MICAL2: variants seen among roughly 807,000 people sequenced by gnomAD.
MICAL2 encodes the protein [F-actin]-monooxygenase MICAL2.
In MICAL2, 77 loss-of-function variants were observed where a neutral mutation model predicts 127.3. The observed-to-expected ratio is 0.60, with a 90% confidence interval of 0.50 to 0.73. MICAL2 has a LOEUF of 0.73. Among genes scored for constraint, MICAL2 ranks in the 30% least tolerant of loss-of-function variants. MICAL2 has a pLI of 0.00. For synonymous variants in MICAL2, 570 were observed against 551.1 expected, an observed-to-expected ratio of 1.03 and a Z score of -0.48; for missense variants, 1,351 against 1,434.4, an observed-to-expected ratio of 0.94 and a Z score of 0.94.
chr11:12,294,244 G>A (rs1863944307), downstream of MICAL2: 1 of 1,614,026 alleles, frequency 6.2e-7, no homozygotes, highest in African/African-American at 1.3e-5. Context: ...CCCCACTGCG[G>A]CTCATAGCCA....
chr11:12,147,259 G>T (rs370883913), intron 2 of MICAL2, among the ~76,000 whole-genome samples: 3 of 152,090 alleles, frequency 2.0e-5, no homozygotes, highest in Non-Finnish European at 2.9e-5. Context: ...TCTTTTAAGT[G>T]AACTCTAAAG....
intron 29 of MICAL2, among the ~76,000 whole-genome samples, chr11:12,301,258 G>A (rs1426165766): frequency 1.3e-5 from 2 of 152,196 alleles, no homozygotes; most frequent in Non-Finnish European, 2.9e-5. Context: ...TTCAAGTTGA[G>A]ATTTGGGTGG....
Position 12,324,007 on chromosome 11 carries a change from GC to G in MICAL2, c.5359del (p.Leu1787Ter). Reference sequence around the variant, plus strand: ...AGAAGACACTTAGAAGAAGAAAGAAGCTAGAAAAAGCAATGAAGCAGTTGGT... The same window carrying G: ...AGAAGACACTTAGAAGAAGAAAGAAGTAGAAAAAGCAATGAAGCAGTTGGT... On this transcript the variant is annotated frameshift_variant, in exon 31 of 35. Coordinates refer to the MICAL2 transcript ENST00000646065. LOFTEE classifies it high-confidence loss of function. 1 of 1,611,326 alleles carries G rather than the reference GC, an allele frequency of 6.2e-7. No individual in the cohort carries two copies. The highest frequency in any genetic ancestry group is 8.5e-7 in the Non-Finnish European group (1 of 1,177,736).
intron 1 of MICAL2, among the ~76,000 whole-genome samples, chr11:12,135,205 C>T (rs1429457549): frequency 3.3e-5 from 5 of 152,168 alleles, no homozygotes; most frequent in African/African-American, 1.2e-4. Flanking sequence ...GAGAGAGACA[C>T]AGAGAGAAGA....
At position 12,123,177 on chromosome 11, in the gene MICAL2, A is replaced by G. The variant is rs1850648701; in HGVS notation, c.-149+12451A>G. On this transcript the variant is annotated intron_variant, in intron 1 of 27. Coordinates refer to ENST00000683283, the MANE Select transcript of MICAL2 (RefSeq NM_001282663.2). ...TGCCATTGCTTAAAATTTTTATTCT[A>G]TATTTTCTGAATTTTTTAAGATTTT... Among the ~76,000 whole-genome samples the G allele has an allele frequency of 3.3e-5, 5 of 152,248 alleles. 1 individual carries two copies. In the South Asian group the frequency reaches 1.0e-3, roughly 32 times the overall value.
intron 5 of MICAL2, 37 bp from the exon 6 acceptor site, chr11:12,209,460 C>G: frequency 1.3e-6 from 2 of 1,525,668 alleles, no homozygotes; most frequent in Non-Finnish European, 1.8e-6. Flanking sequence ...CTTCCCACCT[C>G]TCTCTGCCAA....
At chr11:12,230,266 C>G (rs766575687) in intron 15 of MICAL2, among the ~76,000 whole-genome samples, 8 of 152,202 alleles carry the variant, frequency 5.3e-5, no homozygotes, top group Non-Finnish European at 8.8e-5. Context: ...GAGTCCACCT[C>G]GGTCTGGTCC....
intron 29 of MICAL2, among the ~76,000 whole-genome samples, chr11:12,318,501 T>C (rs551843395): frequency 6.6e-6 from 1 of 152,384 alleles, no homozygotes; most frequent in South Asian, 2.1e-4. Flanking sequence ...ACCCTTATTT[T>C]GTCAAACTTG....
At chr11:12,356,302 C>T (rs1565314596) in intron 34 of MICAL2, among the ~76,000 whole-genome samples, 1 of 152,226 alleles carries the variant, frequency 6.6e-6, no homozygotes, top group East Asian at 1.9e-4. Flanking sequence ...CTCTTTACCC[C>T]TCCATGGTAA....
At chr11:12,248,671 G>A (rs1861105538) in intron 21 of MICAL2, among the ~76,000 whole-genome samples, 2 of 146,650 alleles carry the variant, frequency 1.4e-5, no homozygotes, top group South Asian at 4.4e-4. Flanking sequence ...GATTTGCAGG[G>A]TTTACTCGAG....
chr11:12,192,917 A>G (rs111764989), intron 3 of MICAL2, among the ~76,000 whole-genome samples: 12 of 152,208 alleles, frequency 7.9e-5, no homozygotes, highest in African/African-American at 2.9e-4. Context: ...CTCCATCCCC[A>G]TAACAACCCT....
downstream of MICAL2, among the ~76,000 whole-genome samples, chr11:12,288,256 G>A (rs142511215): frequency 8.9e-4 from 135 of 152,354 alleles, 4 homozygotes; most frequent in East Asian, 0.021. Flanking sequence ...ATGGGTCATC[G>A]CCTTTACTGC....
chr11:12,110,989 A>G lies in MICAL2; in HGVS notation c.-149+263A>G, dbSNP rs1170185938. ...CCACCGGCACGCCGAACTACCTCTTACTCCGCTCCGCAACACCCAAACCCT... is the reference window on the plus strand; with the variant it reads ...CCACCGGCACGCCGAACTACCTCTTGCTCCGCTCCGCAACACCCAAACCCT... On this transcript the variant is annotated intron_variant, in intron 1 of 27. Transcript: ENST00000683283. The surrounding 1 kb of genome is among the most constrained non-coding windows in gnomAD (Gnocchi z 4.5). Among the ~76,000 whole-genome samples the G allele has an allele frequency of 2.0e-5, 3 of 151,990 alleles. No individual in the cohort carries two copies. Among genetic ancestry groups the G allele is most frequent in the Non-Finnish European group, 4.4e-5 (3 of 68,006 alleles).
At chr11:12,313,336 A>G (rs1386681516) in intron 29 of MICAL2, among the ~76,000 whole-genome samples, 2 of 152,066 alleles carry the variant, frequency 1.3e-5, no homozygotes, top group African/African-American at 4.8e-5. Context: ...TGCCTTGAGG[A>G]AGAGGGAGTC....
At chr11:12,286,718 TTA>T (rs1219227261) in intron 2 of MICAL2, among the ~76,000 whole-genome samples, 1 of 151,728 alleles carries the variant, frequency 6.6e-6, no homozygotes, top group Non-Finnish European at 1.5e-5. Flanking sequence ...AAAATAAAAA[TTA>T]AAAAATTATC....
intron 1 of MICAL2, among the ~76,000 whole-genome samples, chr11:12,116,186 G>A (rs888815249): frequency 1.3e-5 from 2 of 151,586 alleles, no homozygotes; most frequent in Non-Finnish European, 2.9e-5. Flanking sequence ...CACTATGTTA[G>A]CCAGGATGGT....
intron 29 of MICAL2, among the ~76,000 whole-genome samples, chr11:12,310,994 C>T (rs1864167381): frequency 1.3e-5 from 2 of 151,910 alleles, no homozygotes; most frequent in African/African-American, 4.8e-5. Context: ...ATTGATTGCT[C>T]TTAGTGTATA....
intron 6 of MICAL2, among the ~76,000 whole-genome samples, chr11:12,210,968 C>T (rs1855380513): frequency 2.0e-5 from 3 of 152,308 alleles, no homozygotes; most frequent in South Asian, 2.1e-4. Context: ...CACCAAGTGG[C>T]CCCTGGGAAC....
At chr11:12,249,429 C>A in intron 22 of MICAL2, among the ~76,000 whole-genome samples, 183 bp downstream of exon 22, 1 of 152,348 alleles carries the variant, frequency 6.6e-6, no homozygotes, top group East Asian at 1.9e-4. Context: ...GGCCTGCCTG[C>A]GTCTCAGCTC....
Sources: allele counts gnomAD v4.1 joint callset (sites outside exome capture counted in the v4.1 genomes callset), GRCh38; gene constraint gnomAD v4.1.1; non-coding constraint Gnocchi (gnomAD v3.1); transcripts MANE v1.5; gene names NCBI Gene and HGNC (gene_info 2026-07-23, HGNC 2026-07-21).